Variants in GSN observed in about 807,000 individuals in gnomAD.
GSN encodes gelsolin, also known as actin-depolymerizing factor.
A neutral mutation model predicts 85.7 loss-of-function variants in GSN; 56 were observed. That is an observed-to-expected ratio of 0.65 (90% CI 0.53 to 0.82). The LOEUF is 0.82. Ranked by LOEUF, GSN falls within the 40% of genes least tolerant of loss-of-function variation. The probability of loss-of-function intolerance (pLI) is 0.00; values close to 1 mark genes in which losing one functional copy is unlikely to be tolerated. For synonymous variants in GSN, 373 were observed against 399.1 expected, an observed-to-expected ratio of 0.93 and a Z score of 0.78; for missense variants, 857 against 979.8, an observed-to-expected ratio of 0.87 and a Z score of 1.67.
At chr9:121,323,440 G>A (rs143563442) in intron 11 of GSN, among the ~76,000 whole-genome samples, 1,797 of 140,848 alleles carry the variant, frequency 0.013, 38 homozygotes, top group African/African-American at 0.044. Flanking sequence ...CATGATCTCG[G>A]CTCACTGCAA....
intron 11 of GSN, among the ~76,000 whole-genome samples, chr9:121,321,769 T>C (rs1325315879): frequency 6.6e-6 from 1 of 152,084 alleles, no homozygotes; most frequent in African/African-American, 2.4e-5. Context: ...TGAGACAGAG[T>C]TTTTCTCTTG....
intron 2 of GSN, among the ~76,000 whole-genome samples, chr9:121,209,644 T>C (rs1211507164): frequency 1.3e-5 from 2 of 152,224 alleles, no homozygotes; most frequent in Non-Finnish European, 2.9e-5. Context: ...AACAGCAGCA[T>C]TTAATACCTA....
chr9:121,289,162 TTTTTTTTTC>T (rs2058434320), intron 2 of GSN, among the ~76,000 whole-genome samples: 1 of 150,950 alleles, frequency 6.6e-6, no homozygotes, highest in Admixed American at 6.6e-5. Context: ...GGCAGTCTGT[TTTTTTTTTC>T]TTTTTTTTCT....
Position 121,326,475 on chromosome 9 carries a change from C to T in GSN, c.1417-37C>T, listed in dbSNP as rs777837680. 33 of 1,589,104 alleles carry T rather than the reference C, an allele frequency of 2.1e-5. No homozygotes were observed. In the Middle Eastern group the frequency reaches 7.9e-4, roughly 38 times the overall value. On this transcript the variant is annotated intron_variant, in intron 12 of 17. Coordinates refer to ENST00000432226, the MANE Select transcript of GSN (RefSeq NM_198252.3). ...GACATAGAAGGACTGAAGCCTGCCC[C>T]CAAGGTCCCTGACTTGCTCTCCTGT... is the stretch of plus-strand genomic sequence containing the variant.
chr9:121,227,067 C>A (rs1194981281), intron 4 of GSN, among the ~76,000 whole-genome samples: 1 of 152,152 alleles, frequency 6.6e-6, no homozygotes, highest in African/African-American at 2.4e-5. Context: ...TCTCATCTGG[C>A]TGTTCATCTG....
upstream of GSN, among the ~76,000 whole-genome samples, chr9:121,202,954 G>T (rs967971128): frequency 1.3e-5 from 2 of 151,908 alleles, no homozygotes; most frequent in Non-Finnish European, 1.5e-5. Context: ...GTGAAACCCC[G>T]TCTCTACTAA....
At chr9:121,209,872 T>C (rs961303032) in intron 2 of GSN, among the ~76,000 whole-genome samples, 8 of 152,180 alleles carry the variant, frequency 5.3e-5, no homozygotes, top group Non-Finnish European at 1.2e-4. Flanking sequence ...TTTAGAGTAA[T>C]ACAAATAATT....
intron 4 of GSN, among the ~76,000 whole-genome samples, chr9:121,307,826 G>T (rs543773197): frequency 6.6e-6 from 1 of 151,908 alleles, no homozygotes; most frequent in East Asian, 1.9e-4. Context: ...TGGTTACATC[G>T]GTCTCAGAAC....
chr9:121,230,195 A>G (rs1015077388), intron 4 of GSN, among the ~76,000 whole-genome samples: 4 of 152,136 alleles, frequency 2.6e-5, no homozygotes, highest in African/African-American at 4.8e-5. Context: ...GTTTTCTGGT[A>G]CCAGATATTC....
At position 121,296,082 on chromosome 9, in the gene GSN, G is replaced by A. The variant is rs139829892; in HGVS notation, c.-9-5881G>A. Among the ~76,000 whole-genome samples the A allele has an allele frequency of 2.6e-3, 390 of 152,310 alleles. 2 individuals carry two copies. Among genetic ancestry groups the A allele is most frequent in the Admixed American group, 9.0e-3 (138 of 15,304 alleles). ...CTCCTGCCCTGGCCTGGGAAGTGTCGTGGGGACAGCTGCTCCGGAGACTCC... is the reference window on the plus strand; with the variant it reads ...CTCCTGCCCTGGCCTGGGAAGTGTCATGGGGACAGCTGCTCCGGAGACTCC... On this transcript the variant is annotated intron_variant, in intron 2 of 17. Coordinates refer to ENST00000432226, the MANE Select transcript of GSN (RefSeq NM_198252.3).
At position 121,329,983 on chromosome 9, in the gene GSN, C is replaced by T. The variant is rs3789314; in HGVS notation, c.1965+668C>T. ...GCTTCTCCCAGAGTCCTCAGAGTTA[C>T]GGAGCAGCTGGCCACGAAGGCATAA... On this transcript the variant is annotated intron_variant, in intron 16 of 17. Transcript: ENST00000432226. The surrounding 1 kb of genome is among the most constrained non-coding windows in gnomAD (Gnocchi z 4.6). 0.072 allele frequency among the ~76,000 whole-genome samples: 10,899 copies of T among 152,176 alleles called. 787 individuals are homozygous for T. Among genetic ancestry groups the T allele is most frequent in the Admixed American group, 0.17 (2,533 of 15,284 alleles).
chr9:121,301,531 C>T (rs1448180347), intron 2 of GSN, among the ~76,000 whole-genome samples: 1 of 148,528 alleles, frequency 6.7e-6, no homozygotes. Context: ...GAGGCTGAGG[C>T]AGGAGAATCG....
Position 121,328,237 on chromosome 9 carries a change from C to A in GSN, c.1763-654C>A, listed in dbSNP as rs181832636. Among the ~76,000 whole-genome samples, 188 of 152,300 alleles carry A rather than the reference C, an allele frequency of 1.2e-3. 1 individual carries two copies. Among genetic ancestry groups the A allele is most frequent in the African/African-American group, 4.3e-3 (178 of 41,552 alleles). On this transcript the variant is annotated intron_variant, in intron 14 of 17. Coordinates refer to ENST00000432226, the MANE Select transcript of GSN (RefSeq NM_198252.3). ...TACTGTTACTTTGAGTTCATTCCCA[C>A]CTGCTTGATGCTTAACAGAAATGGT...
intron 1 of GSN, among the ~76,000 whole-genome samples, chr9:121,278,581 A>G (rs1029733497): frequency 1.3e-5 from 2 of 152,176 alleles, no homozygotes; most frequent in Non-Finnish European, 2.9e-5. Context: ...AGCTGAGACT[A>G]TTAGAAGGCG....
chr9:121,229,913 T>C (rs1225555470), intron 4 of GSN, among the ~76,000 whole-genome samples: 2 of 152,248 alleles, frequency 1.3e-5, no homozygotes, highest in African/African-American at 2.4e-5. Context: ...ATCTACACTT[T>C]TTCTTTTTGG....
intron 4 of GSN, among the ~76,000 whole-genome samples, chr9:121,216,543 TTC>T (rs1428159708): frequency 1.3e-5 from 2 of 152,202 alleles, no homozygotes; most frequent in South Asian, 4.1e-4. Context: ...CTGCCTGCTT[TTC>T]TCTGTTTCTT....
intron 4 of GSN, among the ~76,000 whole-genome samples, chr9:121,213,390 A>G (rs2054002019): frequency 6.6e-6 from 1 of 152,208 alleles, no homozygotes; most frequent in Non-Finnish European, 1.5e-5. Context: ...GGCGTGCTCC[A>G]CCAGAGGGCG....
At chr9:121,240,387 T>C (rs751643151) in intron 5 of GSN, among the ~76,000 whole-genome samples, 88 of 152,208 alleles carry the variant, frequency 5.8e-4, no homozygotes, top group Non-Finnish European at 1.1e-3. Flanking sequence ...TGCTGATATC[T>C]ATATGCTCTG....
At chr9:121,298,290 T>C (rs1172453006) in intron 2 of GSN, among the ~76,000 whole-genome samples, 6 of 152,228 alleles carry the variant, frequency 3.9e-5, no homozygotes, top group African/African-American at 1.4e-4. Flanking sequence ...TGGAATGTCT[T>C]TTCTTCTTAA....
Sources: gnomAD v4.1 joint callset for allele counts (sites outside exome capture counted in the v4.1 genomes callset) on GRCh38, gnomAD v4.1.1 for gene constraint, Gnocchi (gnomAD v3.1) non-coding constraint, MANE v1.5 for transcripts, NCBI Gene and HGNC (gene_info 2026-07-23, HGNC 2026-07-21) for gene names.